Variants in ARRB1 observed in about 807,000 individuals in gnomAD.
The protein encoded by ARRB1 is arrestin beta 1, also known as beta-arrestin-1.
In ARRB1, 21 loss-of-function variants were observed where a neutral mutation model predicts 56.8. That is an observed-to-expected ratio of 0.37 (90% CI 0.26 to 0.53). ARRB1 has a LOEUF of 0.53. Ranked by LOEUF, ARRB1 falls within the 20% of genes least tolerant of loss-of-function variation. The pLI, the probability that ARRB1 is intolerant of heterozygous loss-of-function variation, is 0.88. For missense variants in ARRB1, 424 were observed against 553.7 expected (o/e 0.77, Z 2.35); for synonymous variants, 210 against 218.6 (o/e 0.96, Z 0.35).
intron 1 of ARRB1, among the ~76,000 whole-genome samples, chr11:75,321,848 A>G (rs552566379): frequency 1.3e-5 from 2 of 152,292 alleles, no homozygotes; most frequent in South Asian, 2.1e-4. Context: ...ACATATGGTG[A>G]ATAGGGCAGA....
intron 1 of ARRB1, among the ~76,000 whole-genome samples, chr11:75,332,451 T>C (rs558157496): frequency 1.3e-4 from 20 of 152,138 alleles, no homozygotes; most frequent in Non-Finnish European, 2.5e-4. Context: ...ATAGGAAACA[T>C]TTGTCATCTA....
At chr11:75,267,013 G>A (rs984118996) in intron 15 of ARRB1, among the ~76,000 whole-genome samples, 1 of 152,136 alleles carries the variant, frequency 6.6e-6, no homozygotes, top group African/African-American at 2.4e-5. Flanking sequence ...TGTCCACCTG[G>A]GTCCCCTGCC....
intron 3 of ARRB1, among the ~76,000 whole-genome samples, chr11:75,284,804 G>A (rs549471270): frequency 6.6e-6 from 1 of 152,286 alleles, no homozygotes; most frequent in East Asian, 1.9e-4. Flanking sequence ...TCGGGAGACT[G>A]AAGCAAGAGA....
intron 1 of ARRB1, among the ~76,000 whole-genome samples, chr11:75,317,563 C>T (rs555031): frequency 0.42 from 63,702 of 152,042 alleles, 14,828 homozygotes; most frequent in East Asian, 0.67. Flanking sequence ...ACTTTTCCCT[C>T]GGAGCACATT....
intron 1 of ARRB1, chr11:75,312,289 G>T (rs544143426): frequency 4.1e-5 from 23 of 567,382 alleles, no homozygotes; most frequent in African/African-American, 3.9e-4. Flanking sequence ...GTCAGGGACA[G>T]GGCTCAAGTC....
chr11:75,334,573 A>G (rs1048377282), intron 1 of ARRB1, among the ~76,000 whole-genome samples: 38 of 152,200 alleles, frequency 2.5e-4, no homozygotes, highest in African/African-American at 8.7e-4. Context: ...CTCCCAGGAC[A>G]AGCCTGGGGC....
intron 1 of ARRB1, among the ~76,000 whole-genome samples, chr11:75,292,138 T>TTATA (rs386374189): frequency 6.7e-6 from 1 of 149,586 alleles, no homozygotes; most frequent in Non-Finnish European, 1.5e-5. Context: ...AAATATTTAT[T>TTATA]TATTTATTTA....
At chr11:75,267,623 C>CCG (rs1945957616) in intron 15 of ARRB1, 29 bp downstream of exon 15, 3 of 1,557,362 alleles carry the variant, frequency 1.9e-6, no homozygotes, top group East Asian at 4.9e-5. Context: ...GGCCCACCCC[C>CCG]GGATGTCTGC....
intron 1 of ARRB1, among the ~76,000 whole-genome samples, chr11:75,312,945 T>TACTAGCTGGGAGTAACACTAAATATATG (rs2140485318): frequency 6.6e-6 from 1 of 152,330 alleles, no homozygotes; most frequent in South Asian, 2.1e-4. Flanking sequence ...ATATTTGTGT[T>TACTAGCTGGGAGTAACACTAAATATATG]GTTTTAAGCC....
intron 1 of ARRB1, among the ~76,000 whole-genome samples, chr11:75,307,538 C>T (rs1378836260): frequency 6.6e-6 from 1 of 152,204 alleles, no homozygotes; most frequent in African/African-American, 2.4e-5. Flanking sequence ...CCCCATCAGA[C>T]AGGAGTGTCC....
chr11:75,274,383 A>G, intron 10 of ARRB1, 172 bp from the exon 11 acceptor site: 1 of 719,164 alleles, frequency 1.4e-6, no homozygotes, highest in Non-Finnish European at 2.3e-6. Context: ...CAAGGAGACC[A>G]CTGCCACTCA....
intron 1 of ARRB1, among the ~76,000 whole-genome samples, chr11:75,318,360 T>G (rs1947296764): frequency 6.6e-6 from 1 of 152,082 alleles, no homozygotes; most frequent in Non-Finnish European, 1.5e-5. Flanking sequence ...GGTCTCACTA[T>G]GTTGCCCAGG....
At chr11:75,297,413 T>C (rs2140454049) in intron 1 of ARRB1, among the ~76,000 whole-genome samples, 1 of 152,246 alleles carries the variant, frequency 6.6e-6, no homozygotes, top group Middle Eastern at 3.4e-3. Flanking sequence ...AGTCTAGAAA[T>C]GAACTCATAT....
At chr11:75,267,216 TTGAC>T (rs1441658615) in intron 15 of ARRB1, among the ~76,000 whole-genome samples, 1 of 152,198 alleles carries the variant, frequency 6.6e-6, no homozygotes. Context: ...TCGATGGCCT[TTGAC>T]TGCAGGGAAA....
Position 75,300,219 on chromosome 11 carries a change from A to AAAAG in ARRB1, c.21-10184_21-10181dup, listed in dbSNP as rs1196245058. Among the ~76,000 whole-genome samples, 175 of 140,168 alleles carry AAAAG rather than the reference A, an allele frequency of 1.2e-3. 2 individuals carry two copies. Among genetic ancestry groups the AAAAG allele is most frequent in the African/African-American group, 1.9e-3 (66 of 34,900 alleles). 92.0% of individuals were successfully genotyped at this position (140,168 alleles called of 152,430 possible). On this transcript the variant is annotated intron_variant, in intron 1 of 15. Transcript: ENST00000420843. Reference sequence around the variant, plus strand: ...CTCTGTCTCAAAAAAAAAAAAAAAAAAAAGAAAGAAAGAAAGAAAAGAAAG... The same window carrying AAAAG: ...CTCTGTCTCAAAAAAAAAAAAAAAAAAAAGAAAGAAAGAAAGAAAGAAAAGAAAG...
chr11:75,328,476 T>G (rs1284861637), intron 1 of ARRB1, among the ~76,000 whole-genome samples: 1 of 152,150 alleles, frequency 6.6e-6, no homozygotes, highest in Non-Finnish European at 1.5e-5. Context: ...AAGACAACAT[T>G]GAGGTTCATT....
intron 1 of ARRB1, among the ~76,000 whole-genome samples, chr11:75,298,931 A>ATTATGTTAAGTAAATTAACATAATGTTG (rs1946828905): frequency 4.0e-5 from 6 of 151,536 alleles, no homozygotes; most frequent in South Asian, 2.2e-4. Context: ...ACATAATGTT[A>ATTATGTTAAGTAAATTAACATAATGTTG]ATTATGTTAA....
intron 10 of ARRB1, among the ~76,000 whole-genome samples, chr11:75,275,730 A>G (rs915008936): frequency 2.0e-5 from 3 of 152,158 alleles, no homozygotes; most frequent in African/African-American, 7.2e-5. Context: ...TGCAAGTCAC[A>G]TCTCTCTGAG....
At chr11:75,313,279 A>T (rs569896796) in intron 1 of ARRB1, among the ~76,000 whole-genome samples, 1 of 152,370 alleles carries the variant, frequency 6.6e-6, no homozygotes, top group South Asian at 2.1e-4. Context: ...TAAAGCTGGC[A>T]GGTGGAGGTT....
Sources: allele counts gnomAD v4.1 joint callset (sites outside exome capture counted in the v4.1 genomes callset), GRCh38; gene constraint gnomAD v4.1.1; transcripts MANE v1.5; gene names NCBI Gene and HGNC (gene_info 2026-07-23, HGNC 2026-07-21).